Variants in DIAPH3 observed in about 807,000 individuals in gnomAD.
DIAPH3 encodes protein diaphanous homolog 3.
In DIAPH3, 117 loss-of-function variants were observed where a neutral mutation model predicts 144.3. The ratio of observed to expected loss-of-function variants is 0.81; its 90% CI spans 0.70 to 0.95. The LOEUF (loss-of-function observed/expected upper bound fraction) is 0.95, where lower values mean the gene tolerates loss of function less well. DIAPH3 is among the 40% of genes least tolerant of loss of function. DIAPH3 has a pLI of 0.00. For missense variants in DIAPH3, 1,421 were observed against 1,412.7 expected, an observed-to-expected ratio of 1.01 and a Z score of -0.09; for synonymous variants, 519 against 488.9, an observed-to-expected ratio of 1.06 and a Z score of -0.81.
At chr13:59,874,543 C>T (rs2044485600) in intron 21 of DIAPH3, among the ~76,000 whole-genome samples, 1 of 152,128 alleles carries the variant, frequency 6.6e-6, no homozygotes, top group South Asian at 2.1e-4. Flanking sequence ...CGTCTTAGCA[C>T]CTACTCCTCA....
chr13:59,949,580 G>A (rs901075631), intron 17 of DIAPH3, among the ~76,000 whole-genome samples: 1 of 152,176 alleles, frequency 6.6e-6, no homozygotes, highest in Non-Finnish European at 1.5e-5. Flanking sequence ...TGAAGTATAA[G>A]AGGAACACAT....
chr13:60,136,230 TG>T (rs1250151579), intron 1 of DIAPH3, among the ~76,000 whole-genome samples: 1 of 152,160 alleles, frequency 6.6e-6, no homozygotes, highest in Non-Finnish European at 1.5e-5. Flanking sequence ...GATTTTATGG[TG>T]GTACTTGAGG....
At chr13:59,720,375 CTG>C (rs1397685774) in intron 27 of DIAPH3, among the ~76,000 whole-genome samples, 1 of 151,968 alleles carries the variant, frequency 6.6e-6, no homozygotes, top group African/African-American at 2.4e-5. Context: ...ATTCTAAAAA[CTG>C]TAAAAACACT....
intron 25 of DIAPH3, among the ~76,000 whole-genome samples, chr13:59,778,245 C>A (rs938390409): frequency 5.9e-5 from 9 of 152,176 alleles, no homozygotes; most frequent in African/African-American, 1.9e-4. Context: ...AAACTAGGTG[C>A]CCCTCTGTGT....
At chr13:60,084,556 A>G (rs1201807428) in intron 4 of DIAPH3, among the ~76,000 whole-genome samples, 2 of 152,092 alleles carry the variant, frequency 1.3e-5, no homozygotes, top group African/African-American at 4.8e-5. Flanking sequence ...AAATGCAGAA[A>G]AAAGGTTTTA....
chr13:60,091,302 T>C (rs991651711), intron 4 of DIAPH3, among the ~76,000 whole-genome samples: 2 of 152,210 alleles, frequency 1.3e-5, no homozygotes, highest in African/African-American at 2.4e-5. Context: ...GACACAGTGA[T>C]AGACTATCGT....
intron 25 of DIAPH3, among the ~76,000 whole-genome samples, chr13:59,795,930 C>T (rs745669105): frequency 1.1e-4 from 17 of 152,186 alleles, no homozygotes; most frequent in Non-Finnish European, 2.1e-4. Context: ...TTAGTGCTTT[C>T]ATCAGGGGGT....
At chr13:59,897,141 A>G (rs1470414779) in intron 20 of DIAPH3, among the ~76,000 whole-genome samples, 2 of 152,230 alleles carry the variant, frequency 1.3e-5, no homozygotes, top group Non-Finnish European at 2.9e-5. Context: ...TCTGAGTAAG[A>G]TTCTTATTCA....
In DIAPH3 at chr13:59,821,083, T is replaced by C. The variant is rs140693730; in HGVS notation, c.3028-10160A>G. ...TCAACATTAATGGATACTCAAGCAA[T>C]ACAAGTCAGGGATCTCTTTAACACA... On this transcript the variant is annotated intron_variant, in intron 24 of 27. Coordinates refer to ENST00000400324, the MANE Select transcript of DIAPH3 (RefSeq NM_001042517.2). Among the ~76,000 whole-genome samples the C allele has an allele frequency of 2.5e-3, 385 of 152,138 alleles. 1 individual carries two copies. Among genetic ancestry groups the C allele is most frequent in the African/African-American group, 8.7e-3 (362 of 41,564 alleles).
chr13:59,714,443 A>T (rs2034946545), intron 27 of DIAPH3, among the ~76,000 whole-genome samples: 1 of 151,630 alleles, frequency 6.6e-6, no homozygotes, highest in Admixed American at 6.6e-5. Flanking sequence ...GTGAAGGTGG[A>T]AGGATTGTAT....
At chr13:59,948,631 A>G (rs759319042) in intron 17 of DIAPH3, among the ~76,000 whole-genome samples, 1 of 151,790 alleles carries the variant, frequency 6.6e-6, no homozygotes, top group Non-Finnish European at 1.5e-5. Flanking sequence ...TTTTTCGTAT[A>G]TATGTTGGGT....
chr13:59,872,502 T>A (rs2044340359), intron 21 of DIAPH3, among the ~76,000 whole-genome samples: 1 of 152,134 alleles, frequency 6.6e-6, no homozygotes. Context: ...TTCTTCATCA[T>A]CCTCTCCCCT....
At chr13:59,933,740 G>T (rs908382626) in intron 17 of DIAPH3, among the ~76,000 whole-genome samples, 3 of 152,138 alleles carry the variant, frequency 2.0e-5, no homozygotes, top group Admixed American at 6.5e-5. Flanking sequence ...AGGGTTTTAT[G>T]TCAGAATGAA....
At chr13:59,940,324 T>A (rs530947423) in intron 17 of DIAPH3, among the ~76,000 whole-genome samples, 1 of 152,260 alleles carries the variant, frequency 6.6e-6, no homozygotes, top group African/African-American at 2.4e-5. Context: ...AACTGAAATA[T>A]CCCTTACTGT....
chr13:59,796,892 T>C (rs147657755), intron 25 of DIAPH3, among the ~76,000 whole-genome samples: 70 of 152,242 alleles, frequency 4.6e-4, no homozygotes, highest in African/African-American at 1.6e-3. Context: ...TCTAATAAAG[T>C]TTGTTATTAA....
At chr13:59,918,597 C>T (rs981305105) in intron 18 of DIAPH3, among the ~76,000 whole-genome samples, 7 of 152,112 alleles carry the variant, frequency 4.6e-5, no homozygotes, top group African/African-American at 1.4e-4. Context: ...AATTTCCAGC[C>T]TGGGCTGCAC....
intron 27 of DIAPH3, among the ~76,000 whole-genome samples, chr13:59,684,213 T>C (rs575347871): frequency 1.3e-5 from 2 of 152,208 alleles, no homozygotes; most frequent in Non-Finnish European, 2.9e-5. Context: ...GGGAAGCATC[T>C]GTTGTCTCCA....
intron 1 of DIAPH3, among the ~76,000 whole-genome samples, chr13:60,145,320 G>C (rs1309500876): frequency 1.3e-5 from 2 of 152,154 alleles, no homozygotes; most frequent in African/African-American, 4.8e-5. Flanking sequence ...ATTCCAATTG[G>C]ATGATTACTA....
intron 18 of DIAPH3, among the ~76,000 whole-genome samples, chr13:59,924,445 TC>T (rs2047661913): frequency 6.6e-6 from 1 of 151,866 alleles, no homozygotes; most frequent in African/African-American, 2.4e-5. Flanking sequence ...CCAATTTTTT[TC>T]AAAATATGAT....
Sources: allele counts gnomAD v4.1 joint callset (sites outside exome capture counted in the v4.1 genomes callset), GRCh38; gene constraint gnomAD v4.1.1; transcripts MANE v1.5; gene names NCBI Gene and HGNC (gene_info 2026-07-23, HGNC 2026-07-21).